HSD17B12: variants seen among roughly 807,000 people sequenced by gnomAD.
HSD17B12 encodes the protein very-long-chain 3-oxoacyl-CoA reductase.
HSD17B12 carries 32 observed loss-of-function variants against 39.3 expected under a neutral mutation model. The ratio of observed to expected loss-of-function variants is 0.81; its 90% confidence interval spans 0.61 to 1.09. The LOEUF is 1.09. HSD17B12 is among the 50% of genes least tolerant of loss of function. The pLI, the probability that HSD17B12 is intolerant of heterozygous loss-of-function variation, is 0.00. For synonymous variants in HSD17B12, 150 were observed against 146.7 expected (o/e 1.02, Z -0.16); for missense variants, 342 against 382.9 (o/e 0.89, Z 0.89).
At chr11:43,743,849 A>T (rs1169370925) in intron 1 of HSD17B12, among the ~76,000 whole-genome samples, 4 of 152,216 alleles carry the variant, frequency 2.6e-5, no homozygotes, top group Non-Finnish European at 5.9e-5. Context: ...ATCAAGAAGG[A>T]ACTTAGAGGA....
the HSD17B12 span, among the ~76,000 whole-genome samples, chr11:43,622,916 A>G: frequency 7.0e-4 from 107 of 152,318 alleles, 2 homozygotes; most frequent in Middle Eastern, 0.01. Context: ...GAATTTTAAC[A>G]TAGCGATGGC....
At chr11:43,803,340 G>T (rs2135055366) in intron 4 of HSD17B12, among the ~76,000 whole-genome samples, 1 of 152,180 alleles carries the variant, frequency 6.6e-6, no homozygotes, top group Admixed American at 6.5e-5. Context: ...TCTCACCTCT[G>T]TCTAGTAAGG....
At chr11:43,804,773 A>C (rs932991223) in intron 4 of HSD17B12, among the ~76,000 whole-genome samples, 2 of 152,216 alleles carry the variant, frequency 1.3e-5, no homozygotes, top group African/African-American at 4.8e-5. Flanking sequence ...CTAAACTAAA[A>C]GATAGTTTGA....
chr11:43,604,541 GT>G, the HSD17B12 span, among the ~76,000 whole-genome samples: 2 of 152,064 alleles, frequency 1.3e-5, no homozygotes, highest in African/African-American at 4.8e-5. Flanking sequence ...AGCTACTGTT[GT>G]TAATAAAATA....
At position 43,767,787 on chromosome 11, in the gene HSD17B12, AATG is replaced by A. The variant is rs1950609012; in HGVS notation, c.283+13669_283+13671del. Among the ~76,000 whole-genome samples the A allele has an allele frequency of 4.6e-5, 7 of 152,338 alleles. No individual in the cohort carries two copies. In the South Asian group the frequency reaches 1.4e-3, roughly 32 times the overall value. ...ACACCAGGCCACTAAGAATAGAAAA[AATG>A]ATATGGAATCAACTTTTAATGTGCT... On this transcript the variant is annotated intron_variant, in intron 3 of 10. Coordinates refer to ENST00000278353, the MANE Select transcript of HSD17B12 (RefSeq NM_016142.3).
chr11:43,718,672 C>A, intron 1 of HSD17B12: 1 of 754,036 alleles, frequency 1.3e-6, no homozygotes, highest in South Asian at 1.6e-5. Flanking sequence ...AGCCTTTTCA[C>A]AAGATGGCGC....
At chr11:43,568,133 T>C in the HSD17B12 span, among the ~76,000 whole-genome samples, 1 of 152,190 alleles carries the variant, frequency 6.6e-6, no homozygotes, top group South Asian at 2.1e-4. Context: ...ACTCTCACTC[T>C]GTTGCCCGGG....
At chr11:43,730,196 A>G (rs536779544) in intron 1 of HSD17B12, among the ~76,000 whole-genome samples, 1 of 152,320 alleles carries the variant, frequency 6.6e-6, no homozygotes, top group East Asian at 1.9e-4. Flanking sequence ...CCACTGGTCC[A>G]GGTTGATTTA....
intron 9 of HSD17B12, among the ~76,000 whole-genome samples, chr11:43,850,750 A>G (rs1417445672): frequency 6.6e-6 from 1 of 152,200 alleles, no homozygotes; most frequent in African/African-American, 2.4e-5. Flanking sequence ...AAGCTGCTCC[A>G]GTGGGTGAGA....
chr11:43,839,412 C>A (rs916742367), intron 8 of HSD17B12, among the ~76,000 whole-genome samples: 50 of 152,114 alleles, frequency 3.3e-4, no homozygotes, highest in African/African-American at 1.2e-3. Context: ...CTTGAAAAGT[C>A]ACTTGATTCT....
chr11:43,563,944 T>C, the HSD17B12 span, among the ~76,000 whole-genome samples: 1 of 152,258 alleles, frequency 6.6e-6, no homozygotes, highest in South Asian at 2.1e-4. Context: ...AGATGAGGTC[T>C]TGCTCTGTCA....
the HSD17B12 span, chr11:43,578,784 G>A: frequency 1.3e-5 from 2 of 151,780 alleles, no homozygotes; most frequent in Admixed American, 6.6e-5. Context: ...AGGTGTCCAA[G>A]AGTCAAGAAG....
intron 1 of HSD17B12, among the ~76,000 whole-genome samples, chr11:43,682,260 G>A (rs1949753526): frequency 1.3e-5 from 2 of 152,210 alleles, no homozygotes; most frequent in South Asian, 4.1e-4. Context: ...GAAAAAGGAA[G>A]TGAAATGTTC....
the HSD17B12 span, among the ~76,000 whole-genome samples, chr11:43,583,340 T>TCCTCGCCTCG: frequency 4.6e-5 from 7 of 152,168 alleles, no homozygotes; most frequent in South Asian, 2.1e-4. Context: ...GCGAGTCCTC[T>TCCTCGCCTCG]CCTCGCCTCG....
At chr11:43,607,623 A>T in the HSD17B12 span, among the ~76,000 whole-genome samples, 1 of 152,226 alleles carries the variant, frequency 6.6e-6, no homozygotes, top group Non-Finnish European at 1.5e-5. Context: ...CACTTCACAG[A>T]TGAGGAAACT....
intron 3 of HSD17B12, among the ~76,000 whole-genome samples, chr11:43,759,162 A>T (rs986497002): frequency 7.9e-5 from 12 of 152,170 alleles, no homozygotes; most frequent in Admixed American, 7.9e-4. Context: ...TGATGAGGAA[A>T]TTACTTGACA....
intron 3 of HSD17B12, among the ~76,000 whole-genome samples, chr11:43,783,517 A>C (rs1950787147): frequency 6.6e-6 from 1 of 151,700 alleles, no homozygotes; most frequent in Non-Finnish European, 1.5e-5. Context: ...CCACCCATCA[A>C]CTCGTAATCT....
intron 3 of HSD17B12, among the ~76,000 whole-genome samples, chr11:43,757,058 CAT>C (rs922133144): frequency 7.9e-5 from 12 of 152,254 alleles, no homozygotes; most frequent in African/African-American, 2.6e-4. Context: ...TGAAAAAATA[CAT>C]AGAGGAGATT....
chr11:43,757,655 A>AAAAC (rs1950520809), intron 3 of HSD17B12, among the ~76,000 whole-genome samples: 1 of 142,980 alleles, frequency 7.0e-6, no homozygotes, highest in African/African-American at 2.6e-5. Flanking sequence ...AAAAAAAAAA[A>AAAAC]AAAAAAAAAA....
Sources: allele counts gnomAD v4.1 joint callset (sites outside exome capture counted in the v4.1 genomes callset), GRCh38; gene constraint gnomAD v4.1.1; transcripts MANE v1.5; gene names NCBI Gene and HGNC (gene_info 2026-07-23, HGNC 2026-07-21).